CCDC73: variants seen among roughly 807,000 people sequenced by gnomAD.
CCDC73 encodes coiled-coil domain containing 73, also known as coiled-coil domain-containing protein 73.
In CCDC73, 95 loss-of-function variants were observed where a neutral mutation model predicts 116.5. The ratio of observed to expected loss-of-function variants is 0.82; its 90% CI spans 0.69 to 0.97. CCDC73 has a LOEUF of 0.97. Among genes scored for constraint, CCDC73 ranks in the 50% least tolerant of loss-of-function variants. The pLI is 0.00. For missense variants in CCDC73, 1,066 were observed against 1,206.8 expected (o/e 0.88, Z 1.73); for synonymous variants, 398 against 401.3 (o/e 0.99, Z 0.10).
chr11:32,709,168 T>C, intron 3 of CCDC73, among the ~76,000 whole-genome samples: 1 of 152,230 alleles, frequency 6.6e-6, no homozygotes, highest in East Asian at 1.9e-4. Context: ...GATCACGTGA[T>C]TTTTCTTTTA....
In CCDC73 at chr11:32,765,234, G is replaced by A. The variant is rs190292229; in HGVS notation, c.-15-4976C>T. Among the ~76,000 whole-genome samples, 4 of 152,236 alleles carry A rather than the reference G, an allele frequency of 2.6e-5. No individual in the cohort carries two copies. The East Asian group carries it at 5.8e-4, about 22-fold the overall frequency. On this transcript the variant is annotated intron_variant, in intron 1 of 17. Coordinates refer to ENST00000335185, the MANE Select transcript of CCDC73 (RefSeq NM_001008391.4). ...GACAGAAAGTTAAAAAGGATATCCAGGAATTGAACTCAGCTCTGCACCAAG... is the reference window on the plus strand; with the variant it reads ...GACAGAAAGTTAAAAAGGATATCCAAGAATTGAACTCAGCTCTGCACCAAG...
chr11:32,606,515 G>GCT (rs1343897389), intron 17 of CCDC73, among the ~76,000 whole-genome samples: 1 of 152,186 alleles, frequency 6.6e-6, no homozygotes, highest in Non-Finnish European at 1.5e-5. Flanking sequence ...GGACAATGAA[G>GCT]CTTACCATAG....
chr11:32,772,273 T>G (rs1355924346), intron 1 of CCDC73, among the ~76,000 whole-genome samples: 1 of 152,166 alleles, frequency 6.6e-6, no homozygotes. Flanking sequence ...CTTTCATGGT[T>G]TTCTCAAATG....
the CCDC73 span, among the ~76,000 whole-genome samples, chr11:32,805,936 A>G: frequency 6.6e-6 from 1 of 152,138 alleles, no homozygotes; most frequent in Admixed American, 6.5e-5. Flanking sequence ...TTCAAACTAC[A>G]ATGCCAATAA....
chr11:32,705,799 C>T (rs968639633), intron 3 of CCDC73, among the ~76,000 whole-genome samples: 3 of 152,142 alleles, frequency 2.0e-5, no homozygotes, highest in Non-Finnish European at 4.4e-5. Context: ...ATTCTTCCAA[C>T]AGAGTTATAT....
intron 9 of CCDC73, among the ~76,000 whole-genome samples, chr11:32,667,454 G>A (rs184986924): frequency 5.1e-4 from 78 of 152,328 alleles, no homozygotes; most frequent in African/African-American, 1.3e-3. Context: ...GTGTGGCACC[G>A]TCCAAGCCAG....
intron 3 of CCDC73, among the ~76,000 whole-genome samples, chr11:32,706,337 A>G (rs1287660166): frequency 6.6e-6 from 1 of 152,208 alleles, no homozygotes; most frequent in Non-Finnish European, 1.5e-5. Flanking sequence ...AATATGTAAC[A>G]AATTTGTAAT....
At chr11:32,811,659 G>A in the CCDC73 span, among the ~76,000 whole-genome samples, 1 of 152,026 alleles carries the variant, frequency 6.6e-6, no homozygotes, top group South Asian at 2.1e-4. Context: ...GGGGGGAGCC[G>A]GCATATCATG....
chr11:32,660,437 T>A (rs1051966063), intron 9 of CCDC73, among the ~76,000 whole-genome samples: 1 of 151,972 alleles, frequency 6.6e-6, no homozygotes, highest in South Asian at 2.1e-4. Context: ...AGCTTCTACA[T>A]CTTTTCAAAG....
chr11:32,624,746 T>G (rs1855554725), intron 14 of CCDC73, among the ~76,000 whole-genome samples: 1 of 152,236 alleles, frequency 6.6e-6, no homozygotes, highest in Non-Finnish European at 1.5e-5. Flanking sequence ...GTGGCACTAT[T>G]CACAATAGCA....
At chr11:32,788,811 A>G (rs1008130533) in intron 1 of CCDC73, among the ~76,000 whole-genome samples, 1 of 152,194 alleles carries the variant, frequency 6.6e-6, no homozygotes, top group African/African-American at 2.4e-5. Flanking sequence ...AAAAATGGAC[A>G]AAGCACTTAT....
At chr11:32,671,078 C>A (rs868711542) in intron 9 of CCDC73, among the ~76,000 whole-genome samples, 7 of 152,186 alleles carry the variant, frequency 4.6e-5, no homozygotes, top group Middle Eastern at 3.4e-3. Flanking sequence ...GTTTTCTAAC[C>A]ATTTTATTCA....
chr11:32,612,741 A>T (rs972128939), intron 16 of CCDC73, among the ~76,000 whole-genome samples: 1 of 152,170 alleles, frequency 6.6e-6, no homozygotes, highest in East Asian at 1.9e-4. Flanking sequence ...TATCTCAAAA[A>T]AATAATAAAT....
intron 3 of CCDC73, among the ~76,000 whole-genome samples, chr11:32,711,667 T>G (rs1849901825): frequency 6.6e-6 from 1 of 152,186 alleles, no homozygotes; most frequent in African/African-American, 2.4e-5. Flanking sequence ...CAGTGTAGAC[T>G]GTTCGGGTGA....
chr11:32,801,369 G>A, the CCDC73 span, among the ~76,000 whole-genome samples: 6 of 152,126 alleles, frequency 3.9e-5, no homozygotes, highest in Non-Finnish European at 5.9e-5. Flanking sequence ...CTGGCTGGGC[G>A]CAGTGGCTCA....
chr11:32,743,626 C>T (rs535179264), intron 2 of CCDC73, among the ~76,000 whole-genome samples: 5 of 152,170 alleles, frequency 3.3e-5, no homozygotes, highest in African/African-American at 1.2e-4. Context: ...CCTTCACATC[C>T]CTTGTAAGTT....
rs201561301 is a variant in CCDC73 at position 32,614,041 on chromosome 11, T to C, written c.2277A>G (p.Gln759=). 20 of 1,612,476 alleles carry C rather than the reference T, an allele frequency of 1.2e-5. No individual in the cohort carries two copies. The African/African-American group carries it at 1.9e-4, about 15-fold the overall frequency. Residue 759 remains glutamine (Q), a synonymous_variant, in exon 16 of 18, where the codon CAA becomes CAG. Coordinates refer to ENST00000335185, the MANE Select transcript of CCDC73 (RefSeq NM_001008391.4). ...CKNMSDMQNS[Q]FNNCLGYLEN... is the part of the protein sequence containing the mutation. ...CTAAGTATCCCAAACAGTTATTAAA[T>C]TGACTGTTTTGCATATCACTCATAT...
rs1247465698 is a variant in CCDC73, at chr11:32,732,459, A to G, written c.136-14312T>C. Among the ~76,000 whole-genome samples the G allele has an allele frequency of 2.6e-5, 4 of 151,888 alleles. No individual in the cohort carries two copies. In the East Asian group the frequency reaches 7.7e-4, roughly 29 times the overall value. The stretch of plus-strand genomic sequence containing the variant: ...CTCATGAAGAGCAACTCCAAGACAC[A>G]TAATTGTCAGATTCACCAAAGTTGA... On this transcript the variant is annotated intron_variant, in intron 2 of 17. Transcript: ENST00000335185.
At chr11:32,624,103 G>A (rs1855546842) in intron 14 of CCDC73, among the ~76,000 whole-genome samples, 1 of 151,802 alleles carries the variant, frequency 6.6e-6, no homozygotes, top group Non-Finnish European at 1.5e-5. Context: ...TTGGGAGGCT[G>A]TGGGCAGATC....
Sources: allele counts gnomAD v4.1 joint callset (sites outside exome capture counted in the v4.1 genomes callset), GRCh38; gene constraint gnomAD v4.1.1; transcripts MANE v1.5; gene names NCBI Gene and HGNC (gene_info 2026-07-23, HGNC 2026-07-21).